Variants in SLC24A2 observed in about 807,000 individuals in gnomAD.
SLC24A2 encodes solute carrier family 24 member 2, also known as sodium/potassium/calcium exchanger 2.
Under a neutral mutation model 62.0 loss-of-function variants are expected in SLC24A2, and 36 were observed. That is an observed-to-expected ratio of 0.58 (90% CI 0.44 to 0.77). SLC24A2 has a LOEUF of 0.77. Among genes scored for constraint, SLC24A2 ranks in the 30% least tolerant of loss-of-function variants. The pLI is 0.00. For missense variants in SLC24A2, 846 were observed against 817.9 expected (o/e 1.03, Z -0.42); for synonymous variants, 358 against 294.0 (o/e 1.22, Z -2.23).
chr9:19,726,320 A>G (rs1821167511), intron 2 of SLC24A2, among the ~76,000 whole-genome samples: 1 of 152,228 alleles, frequency 6.6e-6, no homozygotes, highest in South Asian at 2.1e-4. Context: ...CAAAAGGTAA[A>G]AGTAAAAGAC....
the SLC24A2 span, among the ~76,000 whole-genome samples, chr9:20,016,874 G>C: frequency 6.6e-6 from 1 of 152,176 alleles, no homozygotes; most frequent in South Asian, 2.1e-4. Context: ...AGAGATAAAA[G>C]AGGGCTTCCA....
the SLC24A2 span, among the ~76,000 whole-genome samples, chr9:19,965,185 C>A: frequency 6.6e-6 from 1 of 152,060 alleles, no homozygotes; most frequent in Non-Finnish European, 1.5e-5. Context: ...ACTTGTATAA[C>A]ACCAGTAGTG....
At chr9:19,717,406 G>A (rs112501412) in intron 2 of SLC24A2, among the ~76,000 whole-genome samples, 6 of 152,176 alleles carry the variant, frequency 3.9e-5, no homozygotes, top group African/African-American at 1.4e-4. Flanking sequence ...GGTTAGGTAA[G>A]TTTAGTTCTT....
intron 2 of SLC24A2, among the ~76,000 whole-genome samples, chr9:19,690,182 AAC>A (rs1005508585): frequency 9.2e-5 from 14 of 152,028 alleles, no homozygotes; most frequent in African/African-American, 2.9e-4. Flanking sequence ...GCTTTATACA[AAC>A]ACACACACAC....
the SLC24A2 span, among the ~76,000 whole-genome samples, chr9:19,845,116 C>A: frequency 6.6e-6 from 1 of 151,986 alleles, no homozygotes; most frequent in Admixed American, 6.6e-5. Context: ...GTATGACCAC[C>A]TTAACAATAT....
At chr9:20,211,572 T>C in the SLC24A2 span, among the ~76,000 whole-genome samples, 1 of 152,194 alleles carries the variant, frequency 6.6e-6, no homozygotes, top group Non-Finnish European at 1.5e-5. Flanking sequence ...ACTTGGAGTA[T>C]TGAAATCAGC....
intron 5 of SLC24A2, among the ~76,000 whole-genome samples, chr9:19,578,069 G>C (rs892619709): frequency 1.3e-5 from 2 of 151,218 alleles, no homozygotes; most frequent in Non-Finnish European, 2.9e-5. Flanking sequence ...TAATACAATA[G>C]ACTTTGGGGA....
At chr9:20,233,836 A>G in the SLC24A2 span, among the ~76,000 whole-genome samples, 2 of 152,206 alleles carry the variant, frequency 1.3e-5, no homozygotes, top group Non-Finnish European at 2.9e-5. Flanking sequence ...GGTCTTTACA[A>G]TTTGGCATGT....
chr9:19,792,584 T>C (rs1587333901), upstream of SLC24A2, among the ~76,000 whole-genome samples: 1 of 148,108 alleles, frequency 6.8e-6, no homozygotes, highest in Admixed American at 6.7e-5. Context: ...GGCAGGTGCC[T>C]GTAATCCCAG....
chr9:20,199,119 G>C, the SLC24A2 span, among the ~76,000 whole-genome samples: 1 of 152,156 alleles, frequency 6.6e-6, no homozygotes, highest in East Asian at 1.9e-4. Flanking sequence ...TAACTAACAA[G>C]AATGTTTCAG....
chr9:19,675,244 T>C (rs1390389956), intron 2 of SLC24A2, among the ~76,000 whole-genome samples: 1 of 152,196 alleles, frequency 6.6e-6, no homozygotes, highest in Non-Finnish European at 1.5e-5. Context: ...CAGCACCTGC[T>C]CCAGTGGAGG....
chr9:20,233,401 TG>T, the SLC24A2 span, among the ~76,000 whole-genome samples: 1 of 151,866 alleles, frequency 6.6e-6, no homozygotes, highest in African/African-American at 2.4e-5. Context: ...TTTATGAATC[TG>T]GGTTCTCCTG....
At chr9:20,031,542 C>T in the SLC24A2 span, among the ~76,000 whole-genome samples, 1,035 of 151,700 alleles carry the variant, frequency 6.8e-3, 17 homozygotes, top group African/African-American at 0.024. Flanking sequence ...ATTTAGTGGA[C>T]CATAATTGTG....
At chr9:19,826,175 A>C in the SLC24A2 span, among the ~76,000 whole-genome samples, 12 of 7,248 alleles carry the variant, frequency 1.7e-3, no homozygotes, top group Non-Finnish European at 3.5e-3. Flanking sequence ...ATGCATTGCA[A>C]AAAAAAAAAA....
intron 2 of SLC24A2, among the ~76,000 whole-genome samples, chr9:19,661,482 A>T (rs1377719079): frequency 6.6e-6 from 1 of 151,624 alleles, no homozygotes; most frequent in Non-Finnish European, 1.5e-5. Context: ...CATCACGTCC[A>T]GGGATATCCT....
chr9:19,531,258 C>T lies in SLC24A2; in HGVS notation c.1480-3120G>A, dbSNP rs373090300. Among the ~76,000 whole-genome samples the T allele has an allele frequency of 3.9e-5, 6 of 152,216 alleles. No homozygotes were observed. The East Asian group carries it at 1.2e-3, about 29-fold the overall frequency. On this transcript the variant is annotated intron_variant, in intron 8 of 10. Transcript: ENST00000341998. The stretch of plus-strand genomic sequence containing the variant: ...TTCTTTCATTTTTCTTGGACCATTC[C>T]CCTTACTTGGACAGCATGGTCTCAT...
intron 2 of SLC24A2, among the ~76,000 whole-genome samples, chr9:19,687,644 G>T (rs1819923056): frequency 6.6e-6 from 1 of 152,044 alleles, no homozygotes; most frequent in Admixed American, 6.6e-5. Context: ...CCACTTTCCT[G>T]TTTGGGGTTT....
chr9:19,594,767 T>C (rs1587008671), intron 5 of SLC24A2, among the ~76,000 whole-genome samples: 1 of 152,334 alleles, frequency 6.6e-6, no homozygotes, highest in East Asian at 1.9e-4. Context: ...GAAAGTGACA[T>C]AAATCACATA....
chr9:20,083,253 C>G, the SLC24A2 span, among the ~76,000 whole-genome samples: 7 of 152,364 alleles, frequency 4.6e-5, no homozygotes, highest in East Asian at 1.3e-3. Context: ...AGCCTAGCTA[C>G]TTGCTCTTTG....
Sources: gnomAD v4.1 joint callset for allele counts (sites outside exome capture counted in the v4.1 genomes callset) on GRCh38, gnomAD v4.1.1 for gene constraint, MANE v1.5 for transcripts, NCBI Gene and HGNC (gene_info 2026-07-23, HGNC 2026-07-21) for gene names.